Variants in NBEA observed in about 807,000 individuals in gnomAD.
NBEA encodes lysosomal-trafficking regulator 2.
In NBEA, 44 loss-of-function variants were observed where a neutral mutation model predicts 343.4. The observed-to-expected ratio is 0.13, with a 90% CI of 0.10 to 0.16. The LOEUF (loss-of-function observed/expected upper bound fraction) is 0.16. Ranked by LOEUF, NBEA falls within the 10% of genes least tolerant of loss-of-function variation. The pLI is 1.00. For synonymous variants in NBEA, 1,175 were observed against 1,238.7 expected, an observed-to-expected ratio of 0.95 and a Z score of 1.08; for missense variants, 2,555 against 3,631.3, an observed-to-expected ratio of 0.70 and a Z score of 7.62.
intron 34 of NBEA, among the ~76,000 whole-genome samples, chr13:35,256,649 G>A (rs950652801): frequency 2.0e-5 from 3 of 152,196 alleles, no homozygotes; most frequent in Non-Finnish European, 4.4e-5. Context: ...TACCCTCTCA[G>A]CCTCCCTCCT....
intron 41 of NBEA, among the ~76,000 whole-genome samples, chr13:35,544,137 A>G (rs1029197527): frequency 6.6e-6 from 1 of 152,230 alleles, no homozygotes; most frequent in Non-Finnish European, 1.5e-5. Context: ...TTGCACCACA[A>G]CAAGCTCTTT....
intron 18 of NBEA, among the ~76,000 whole-genome samples, chr13:35,142,619 T>C (rs935601753): frequency 6.6e-6 from 1 of 152,200 alleles, no homozygotes; most frequent in African/African-American, 2.4e-5. Context: ...ATGGGTTGGC[T>C]GACTGGCTTC....
chr13:35,010,726 CA>C (rs769896169), intron 1 of NBEA, among the ~76,000 whole-genome samples: 114 of 9,678 alleles, frequency 0.012, no homozygotes, highest in East Asian at 0.096. Context: ...TGGGTCTCTA[CA>C]AAAAAAAAAA....
intron 38 of NBEA, among the ~76,000 whole-genome samples, chr13:35,416,634 T>C (rs1360983666): frequency 2.0e-5 from 3 of 152,218 alleles, no homozygotes; most frequent in Non-Finnish European, 4.4e-5. Flanking sequence ...TGGATTTGGC[T>C]TGCCAGTATT....
chr13:35,398,434 A>G (rs2042845550), intron 38 of NBEA, among the ~76,000 whole-genome samples: 1 of 152,142 alleles, frequency 6.6e-6, no homozygotes, highest in Admixed American at 6.6e-5. Context: ...TCCATCAGAG[A>G]AATCACTAGC....
intron 1 of NBEA, among the ~76,000 whole-genome samples, chr13:35,018,081 CT>C (rs1364048595): frequency 6.6e-6 from 1 of 151,848 alleles, no homozygotes; most frequent in African/African-American, 2.4e-5. Context: ...TATTTTTGGA[CT>C]TTCTATTATG....
chr13:35,409,038 T>C (rs527497682), intron 38 of NBEA, among the ~76,000 whole-genome samples: 54 of 152,222 alleles, frequency 3.5e-4, no homozygotes, highest in African/African-American at 1.3e-3. Context: ...TAAAGACACA[T>C]GCATGTGTAT....
intron 36 of NBEA, among the ~76,000 whole-genome samples, chr13:35,338,619 G>T (rs774863325): frequency 3.9e-5 from 6 of 152,092 alleles, no homozygotes; most frequent in Admixed American, 1.3e-4. Context: ...TATGAGGCGA[G>T]TATTACCCTT....
At chr13:35,045,655 G>GT (rs2062822867) in intron 4 of NBEA, among the ~76,000 whole-genome samples, 1 of 151,978 alleles carries the variant, frequency 6.6e-6, no homozygotes, top group Admixed American at 6.6e-5. Flanking sequence ...TATTCCTATA[G>GT]TTTTGCCTTT....
chr13:35,110,705 C>T, intron 12 of NBEA, 105 bp from the exon 13 acceptor site: 1 of 793,382 alleles, frequency 1.3e-6, no homozygotes, highest in East Asian at 3.1e-5. Context: ...ATGGTCATTT[C>T]TTGGTCTTTA....
intron 41 of NBEA, among the ~76,000 whole-genome samples, chr13:35,532,175 G>A (rs2078295833): frequency 6.6e-6 from 1 of 152,084 alleles, no homozygotes; most frequent in African/African-American, 2.4e-5. Context: ...TTTGTATTTA[G>A]CTTCGATTTG....
chr13:35,539,038 A>G (rs949094588), intron 41 of NBEA, among the ~76,000 whole-genome samples: 2 of 152,196 alleles, frequency 1.3e-5, no homozygotes, highest in Non-Finnish European at 2.9e-5. Flanking sequence ...ATTCTTTTGC[A>G]TATGTTTCTT....
At chr13:35,540,330 T>G in intron 41 of NBEA, among the ~76,000 whole-genome samples, 1 of 152,292 alleles carries the variant, frequency 6.6e-6, no homozygotes, top group Non-Finnish European at 1.5e-5. Context: ...GAAGTTAATG[T>G]ATTCAGTATA....
chr13:35,261,022 T>C (rs1322755331), intron 34 of NBEA, among the ~76,000 whole-genome samples: 1 of 152,138 alleles, frequency 6.6e-6, no homozygotes, highest in Non-Finnish European at 1.5e-5. Flanking sequence ...TTTAAAGGAA[T>C]ACAGCAAAAT....
chr13:35,593,635 A>G (rs1218189747), intron 47 of NBEA, among the ~76,000 whole-genome samples, 188 bp downstream of exon 47: 1 of 152,124 alleles, frequency 6.6e-6, no homozygotes, highest in Non-Finnish European at 1.5e-5. Context: ...ATTCTTTCAT[A>G]TTACCCAGTG....
intron 17 of NBEA, among the ~76,000 whole-genome samples, chr13:35,135,584 A>C (rs2067673629): frequency 6.6e-6 from 1 of 152,048 alleles, no homozygotes; most frequent in South Asian, 2.1e-4. Context: ...ATTTTTATTT[A>C]AAGGTTAAAA....
intron 32 of NBEA, 90 bp downstream of exon 32, chr13:35,208,944 C>A: frequency 1.0e-6 from 1 of 963,568 alleles, no homozygotes; most frequent in South Asian, 2.2e-5. Flanking sequence ...TTAAAATACC[C>A]TAATCATTTA....
In NBEA at chr13:35,527,410, G is replaced by A. The variant is rs535635843; in HGVS notation, c.6586-23067G>A. Among the ~76,000 whole-genome samples the A allele has an allele frequency of 1.1e-4, 17 of 152,260 alleles. No individual in the cohort carries two copies. In the East Asian group the frequency reaches 1.7e-3, roughly 16 times the overall value. On this transcript the variant is annotated intron_variant, in intron 41 of 58. Coordinates refer to ENST00000379939, the MANE Select transcript of NBEA (RefSeq NM_001385012.1). ...CTCTCCCCTTTCTGCCCAGGAACCC[G>A]TCTGCCTCCTGCCATCAGCATGCCA...
At chr13:35,015,093 C>T (rs1454810868) in intron 1 of NBEA, among the ~76,000 whole-genome samples, 1 of 136,678 alleles carries the variant, frequency 7.3e-6, no homozygotes, top group African/African-American at 2.7e-5. Context: ...TCTTGCCTTG[C>T]CGCCTCCCTT....
Sources: gnomAD v4.1 joint callset for allele counts (sites outside exome capture counted in the v4.1 genomes callset) on GRCh38, gnomAD v4.1.1 for gene constraint, MANE v1.5 for transcripts, NCBI Gene and HGNC (gene_info 2026-07-23, HGNC 2026-07-21) for gene names.